TMEM117: variants seen among roughly 807,000 people sequenced by gnomAD.
TMEM117 encodes the protein transmembrane protein 117.
In TMEM117, 27 loss-of-function variants were observed where a neutral mutation model predicts 52.4. That is an observed-to-expected ratio of 0.51 (90% confidence interval 0.38 to 0.71). The LOEUF is 0.71. Among genes scored for constraint, TMEM117 ranks in the 30% least tolerant of loss-of-function variants. The pLI is 0.00. For missense variants in TMEM117, 556 were observed against 630.5 expected, an observed-to-expected ratio of 0.88 and a Z score of 1.26; for synonymous variants, 215 against 206.3, an observed-to-expected ratio of 1.04 and a Z score of -0.36.
intron 6 of TMEM117, among the ~76,000 whole-genome samples, chr12:44,346,457 A>C (rs972373821): frequency 6.6e-6 from 1 of 152,158 alleles, no homozygotes; most frequent in South Asian, 2.1e-4. Context: ...TGCAGCACAC[A>C]CAGTACTCAA....
intron 3 of TMEM117, among the ~76,000 whole-genome samples, chr12:44,048,299 A>T (rs1377782109): frequency 6.6e-6 from 1 of 152,056 alleles, no homozygotes; most frequent in Non-Finnish European, 1.5e-5. Flanking sequence ...CAAGATCCAA[A>T]TTTTAGCTTC....
chr12:44,150,413 A>G (rs1360464119), intron 4 of TMEM117, among the ~76,000 whole-genome samples: 3 of 152,146 alleles, frequency 2.0e-5, no homozygotes, highest in South Asian at 2.1e-4. Context: ...CTCTTGGGCA[A>G]TGGAGTGCTC....
intron 3 of TMEM117, among the ~76,000 whole-genome samples, chr12:44,024,510 G>A (rs1035713833): frequency 2.6e-5 from 4 of 151,800 alleles, no homozygotes; most frequent in African/African-American, 9.7e-5. Context: ...AAACTTTTGG[G>A]GAAGAAAGCA....
At chr12:44,329,597 G>A (rs1424694036) in intron 6 of TMEM117, among the ~76,000 whole-genome samples, 2 of 151,910 alleles carry the variant, frequency 1.3e-5, no homozygotes, top group African/African-American at 2.4e-5. Flanking sequence ...ACTACCTCAC[G>A]ATGCATCTCC....
chr12:44,018,555 C>T (rs1946406644), intron 3 of TMEM117, among the ~76,000 whole-genome samples: 5 of 152,044 alleles, frequency 3.3e-5, no homozygotes, highest in Admixed American at 3.3e-4. Context: ...TAACTTTTTG[C>T]ACTGTTTATT....
At chr12:44,223,971 G>A (rs983120393) in intron 5 of TMEM117, among the ~76,000 whole-genome samples, 7 of 152,080 alleles carry the variant, frequency 4.6e-5, no homozygotes, top group Non-Finnish European at 1.0e-4. Context: ...AATCTACTGC[G>A]CTTCCATATT....
chr12:43,844,562 TA>T, intron 1 of TMEM117, 61 bp from the exon 2 acceptor site: 1 of 1,414,980 alleles, frequency 7.1e-7, no homozygotes, highest in Non-Finnish European at 9.6e-7. Flanking sequence ...CCTGAACTGA[TA>T]AAAAGAAGAA....
At chr12:43,891,234 G>C (rs1043525616) in intron 2 of TMEM117, among the ~76,000 whole-genome samples, 1 of 151,952 alleles carries the variant, frequency 6.6e-6, no homozygotes, top group Non-Finnish European at 1.5e-5. Flanking sequence ...ATTCTTCAAG[G>C]TGCATGGAAT....
rs74565615 is a variant in TMEM117 at position 44,170,743 on chromosome 12, A to G, written c.510+27119A>G. On this transcript the variant is annotated intron_variant, in intron 4 of 7. Transcript: ENST00000266534. Reference sequence around the variant, plus strand: ...TCCCTGTGACTTTTTAAAATTAATTATTAAATTTTTAACTGTTTATTTTGA... The same window carrying G: ...TCCCTGTGACTTTTTAAAATTAATTGTTAAATTTTTAACTGTTTATTTTGA... Among the ~76,000 whole-genome samples the G allele has an allele frequency of 2.7e-3, 407 of 152,246 alleles. 3 individuals are homozygous for G. The highest frequency in any genetic ancestry group is 9.1e-3 in the African/African-American group (379 of 41,564).
intron 7 of TMEM117, among the ~76,000 whole-genome samples, chr12:44,379,895 TCAGGGG>T (rs1951996580): frequency 6.6e-6 from 1 of 152,146 alleles, no homozygotes; most frequent in African/African-American, 2.4e-5. Context: ...TCTAGATCCG[TCAGGGG>T]ATGACAAACG....
Position 44,209,245 on chromosome 12 carries a change from T to A in TMEM117, c.511-2045T>A, listed in dbSNP as rs527895698. On this transcript the variant is annotated intron_variant, in intron 4 of 7. Transcript: ENST00000266534. ...AGATTTAAATTTCTCTATTTTCAAC[T>A]TTATTCTTTTTTTCCAGTAACAATG... Among the ~76,000 whole-genome samples, 9 of 152,228 alleles carry A rather than the reference T, an allele frequency of 5.9e-5. No homozygotes were observed. In the South Asian group the frequency reaches 1.9e-3, roughly 32 times the overall value.
chr12:43,844,767 A>G lies in TMEM117; in HGVS notation c.116A>G (p.Gln39Arg), dbSNP rs1231376227. 3 of 1,614,178 alleles carry G rather than the reference A, an allele frequency of 1.9e-6. No individual in the cohort carries two copies. The highest frequency in any genetic ancestry group is 2.5e-6 in the Non-Finnish European group (3 of 1,180,036). ...GCGGAGGACCCAGTTTCTCATAGCC[A>G]AACAGAAGCCAATGTTATTGTTGTT... Reference protein sequence around the residue: ...IFAEDPVSHSQTEANVIVVGN... With the variant: ...IFAEDPVSHSRTEANVIVVGN... Residue 39 changes from glutamine to arginine, a missense_variant, in exon 2 of 8, where the codon CAA becomes CGA. Around this residue, in one of 3 missense-constraint regions of TMEM117, gnomAD observed 328 missense variants for 371.4 expected, o/e 0.88. Coordinates refer to ENST00000266534, the MANE Select transcript of TMEM117 (RefSeq NM_032256.3).
intron 5 of TMEM117, among the ~76,000 whole-genome samples, chr12:44,258,768 G>A (rs74377687): frequency 0.017 from 2,640 of 152,168 alleles, 60 homozygotes; most frequent in East Asian, 0.057. Flanking sequence ...CAAATGTGTA[G>A]TTGTGGCTGT....
chr12:43,945,609 C>T (rs1477576759), intron 3 of TMEM117, among the ~76,000 whole-genome samples: 4 of 152,192 alleles, frequency 2.6e-5, no homozygotes, highest in African/African-American at 7.2e-5. Flanking sequence ...AGGCTTGAGC[C>T]ACTGCATCTG....
At position 43,844,604 on chromosome 12, in the gene TMEM117, A is replaced by T; in HGVS notation, c.-28-20A>T. 6.3e-7 allele frequency: 1 copy of T among 1,577,852 alleles called. No homozygotes were observed. Among genetic ancestry groups the T allele is most frequent in the Non-Finnish European group, 8.6e-7 (1 of 1,163,406 alleles). The stretch of plus-strand genomic sequence containing the variant: ...TTACTTGTTTTCCTCCTCTAACCCT[A>T]TCTATCTTTTCTTATACAGGTAAAC... On this transcript the variant is annotated intron_variant, in intron 1 of 7. Transcript: ENST00000266534.
At chr12:44,114,180 C>G (rs1051456101) in intron 3 of TMEM117, among the ~76,000 whole-genome samples, 11 of 152,130 alleles carry the variant, frequency 7.2e-5, no homozygotes, top group African/African-American at 2.7e-4. Flanking sequence ...GCGTCGCTCA[C>G]GCTGGGAGCT....
rs142209622 is a variant in TMEM117 at position 44,337,794 on chromosome 12, T to C, written c.768+38055T>C. On this transcript the variant is annotated intron_variant, in intron 6 of 7. Coordinates refer to ENST00000266534, the MANE Select transcript of TMEM117 (RefSeq NM_032256.3). ...ATCATAGTCAGTAGTTCAAAGTATC[T>C]TGGCATTAATTGAATTAGGGAATGT... Among the ~76,000 whole-genome samples the C allele has an allele frequency of 1.7e-3, 257 of 152,194 alleles. 1 individual carries two copies. In the Middle Eastern group the frequency reaches 0.02, roughly 12 times the overall value.
chr12:44,161,905 G>A (rs1292431715), intron 4 of TMEM117, among the ~76,000 whole-genome samples: 3 of 152,124 alleles, frequency 2.0e-5, no homozygotes, highest in Non-Finnish European at 4.4e-5. Flanking sequence ...ATTATGTGGT[G>A]AGAGAGGTAG....
chr12:44,315,751 C>T (rs554444325), intron 6 of TMEM117, among the ~76,000 whole-genome samples: 2 of 152,194 alleles, frequency 1.3e-5, no homozygotes, highest in South Asian at 2.1e-4. Flanking sequence ...GTTGGGTGCA[C>T]ATATACTTAG....
Sources: gnomAD v4.1 joint callset for allele counts (sites outside exome capture counted in the v4.1 genomes callset) on GRCh38, gnomAD v4.1.1 for gene constraint, gnomAD v4.1.1 regional missense constraint, MANE v1.5 for transcripts, NCBI Gene and HGNC (gene_info 2026-07-23, HGNC 2026-07-21) for gene names.